The following DHX29 variants were observed in gnomAD, a reference collection of about 807,000 sequenced individuals.
The protein encoded by DHX29 is DExH-box helicase 29.
Under a neutral mutation model 167.9 loss-of-function variants are expected in DHX29, and 79 were observed. The ratio of observed to expected loss-of-function variants is 0.47; its 90% confidence interval spans 0.39 to 0.57. The LOEUF is 0.57. Among genes scored for constraint, DHX29 ranks in the 20% least tolerant of loss-of-function variants. DHX29 has a pLI of 0.00. For synonymous variants in DHX29, 530 were observed against 546.0 expected, an observed-to-expected ratio of 0.97 and a Z score of 0.41; for missense variants, 1,347 against 1,593.4, an observed-to-expected ratio of 0.85 and a Z score of 2.63.
At position 55,295,480 on chromosome 5, in the gene DHX29, G is replaced by A. The variant is rs747941245; in HGVS notation, c.550C>T (p.Pro184Ser). Residue 184 changes from proline (P) to serine (S), a missense_variant, in exon 5 of 27, where the codon CCT becomes TCT. By Grantham distance (74) the Pro-to-Ser change is moderately conservative. Around this residue, in one of 3 missense-constraint regions of DHX29, gnomAD observed 405 missense variants for 416.8 expected, o/e 0.97. Transcript: ENST00000251636. ...GFSQEFEEQQ[P>S]KSRPKFQSPQ... Reference sequence around the variant, plus strand: ...GACTGAAATTTAGGCCTACTTTTAGGTTGCTGCTCTTCAAATTCCTGACTG... The same window carrying A: ...GACTGAAATTTAGGCCTACTTTTAGATTGCTGCTCTTCAAATTCCTGACTG... 2.6e-5 allele frequency: 42 copies of A among 1,613,728 alleles called. No individual in the cohort carries two copies. Among genetic ancestry groups the A allele is most frequent in the Non-Finnish European group, 3.1e-5 (36 of 1,179,914 alleles).
intron 23 of DHX29, among the ~76,000 whole-genome samples, chr5:55,264,125 T>A (rs1182284449): frequency 6.6e-6 from 1 of 151,550 alleles, no homozygotes; most frequent in Non-Finnish European, 1.5e-5. Flanking sequence ...TGAGACCCCA[T>A]CTATTTAAAA....
chr5:55,272,949 C>G (rs976629637), intron 17 of DHX29, among the ~76,000 whole-genome samples: 1 of 152,166 alleles, frequency 6.6e-6, no homozygotes, highest in Non-Finnish European at 1.5e-5. Context: ...TAGAGAACAA[C>G]AAGAATACTC....
chr5:55,277,530 ACT>A (rs3217668), intron 12 of DHX29, among the ~76,000 whole-genome samples: 19,331 of 152,046 alleles, frequency 0.13, 1,426 homozygotes, highest in East Asian at 0.26. Context: ...TGACAGCATG[ACT>A]CTACCCTAGG....
intron 8 of DHX29, among the ~76,000 whole-genome samples, chr5:55,287,256 C>T (rs1047621952): frequency 6.6e-6 from 1 of 152,116 alleles, no homozygotes; most frequent in Non-Finnish European, 1.5e-5. Flanking sequence ...GCCTGGCCAA[C>T]GTGGTGAAAC....
rs1412006341 is a variant in DHX29 at position 55,283,623 on chromosome 5, TTC to T, written c.1543_1544del (p.Glu515LysfsTer3). ...AAGATTCCTCGGGATCTTCAGAGTT[TTC>T]TCTCTTATTTTCAGAATGCTGTTGT... The part of the protein sequence containing the change: ...QQQQHSENKR[E>X]NSEDPEESWE... On this transcript the variant is annotated frameshift_variant, in exon 11 of 27. Coordinates refer to ENST00000251636, the MANE Select transcript of DHX29 (RefSeq NM_019030.4). LOFTEE classifies it high-confidence loss of function. 1 of 1,613,896 alleles carries T rather than the reference TTC, an allele frequency of 6.2e-7. No homozygotes were observed. Among genetic ancestry groups the T allele is most frequent in the Non-Finnish European group, 8.5e-7 (1 of 1,180,014 alleles).
chr5:55,282,440 G>A (rs959632342), intron 11 of DHX29, among the ~76,000 whole-genome samples: 3 of 152,072 alleles, frequency 2.0e-5, no homozygotes, highest in East Asian at 1.9e-4. Flanking sequence ...AGCAGAAACC[G>A]TGCCTTTTTT....
intron 11 of DHX29, among the ~76,000 whole-genome samples, chr5:55,281,811 G>A (rs1348813367): frequency 1.4e-5 from 2 of 146,990 alleles, no homozygotes; most frequent in Admixed American, 6.8e-5. Flanking sequence ...TTGAGACGGA[G>A]TTTCATTCTT....
In DHX29 at chr5:55,295,524, T is replaced by C; in HGVS notation, c.506A>G (p.Asp169Gly). 6.2e-7 allele frequency: 1 copy of C among 1,609,226 alleles called. No homozygotes were observed. The highest frequency in any genetic ancestry group is 1.1e-5 in the South Asian group (1 of 90,054). ...CTGACTGAATCCTTCAGGAAGTGCA[T>C]CTTAAAATAAAAGAAACTATGCTGA... is the stretch of plus-strand genomic sequence containing the variant. ...LDWLCLNLSD[D>G]ALPEGFSQEF... is the part of the protein sequence containing the mutation. The change falls in exon 5 of 27, where the codon GAT becomes GGT. Residue 169 changes from aspartate (D) to glycine (G), a missense_variant and splice_region_variant. By Grantham distance (94) the Asp-to-Gly change is moderately conservative. This residue lies in a region of DHX29 where 405 missense variants were observed against 416.8 expected (regional missense o/e 0.97). Coordinates refer to ENST00000251636, the MANE Select transcript of DHX29 (RefSeq NM_019030.4).
At chr5:55,273,503 CA>C in intron 16 of DHX29, 126 bp from the exon 17 acceptor site, 1 of 1,197,464 alleles carries the variant, frequency 8.4e-7, no homozygotes, top group Admixed American at 3.4e-5. Context: ...TTTAAACATA[CA>C]CAAGTGTTTA....
At chr5:55,307,043 C>A (rs2112000454) in intron 1 of DHX29, among the ~76,000 whole-genome samples, 1 of 152,346 alleles carries the variant, frequency 6.6e-6, no homozygotes, top group East Asian at 1.9e-4. Flanking sequence ...AGGAACTCCA[C>A]TCAGTACTCG....
intron 12 of DHX29, among the ~76,000 whole-genome samples, chr5:55,277,699 A>G (rs1201549565): frequency 1.3e-5 from 2 of 152,068 alleles, no homozygotes; most frequent in Non-Finnish European, 2.9e-5. Flanking sequence ...TGACATCGGG[A>G]GTTTGAGACC....
intron 6 of DHX29, among the ~76,000 whole-genome samples, chr5:55,293,254 CTT>C (rs1748141010): frequency 6.6e-6 from 1 of 152,160 alleles, no homozygotes; most frequent in Admixed American, 6.5e-5. Flanking sequence ...GTGTACAAGT[CTT>C]TGTGAACAAA....
chr5:55,276,516 GAAT>G (rs1422626246), intron 13 of DHX29, 110 bp from the exon 14 acceptor site: 3 of 866,182 alleles, frequency 3.5e-6, no homozygotes, highest in Non-Finnish European at 5.1e-6. Context: ...TGTTAATTTA[GAAT>G]ATTATGAAAA....
chr5:55,268,524 T>C (rs1746694514), intron 21 of DHX29, among the ~76,000 whole-genome samples: 1 of 152,084 alleles, frequency 6.6e-6, no homozygotes, highest in South Asian at 2.1e-4. Context: ...TCCGGGGCTC[T>C]AGCAATCCTC....
chr5:55,259,541 A>G (rs1299958016), intron 26 of DHX29, among the ~76,000 whole-genome samples: 2 of 152,014 alleles, frequency 1.3e-5, no homozygotes, highest in African/African-American at 4.8e-5. Context: ...ACTGCAACCT[A>G]CGCCTCTCAG....
chr5:55,284,203 A>G (rs1227373599), intron 10 of DHX29, among the ~76,000 whole-genome samples: 8 of 152,210 alleles, frequency 5.3e-5, no homozygotes, highest in Non-Finnish European at 5.9e-5. Context: ...TCTGAGGTTA[A>G]GATATGTGAG....
At chr5:55,297,665 C>T (rs567485974) in intron 2 of DHX29, among the ~76,000 whole-genome samples, 2 of 152,224 alleles carry the variant, frequency 1.3e-5, no homozygotes, top group Admixed American at 1.3e-4. Flanking sequence ...TGTCCTTGGA[C>T]CACCCTTGGG....
chr5:55,283,490 G>T lies in DHX29; in HGVS notation c.1678C>A (p.Pro560Thr). Reference sequence around the variant, plus strand: ...TCCTTTAGAAGTTTCTGATACTTAGGTGTGCTTTGCAACTTTCTAAAGAGG... The same window carrying T: ...TCCTTTAGAAGTTTCTGATACTTAGTTGTGCTTTGCAACTTTCTAAAGAGG... ...RNLFRKLQST[P>T]KYQKLLKERQ... The change falls in exon 11 of 27, where the codon CCT (proline) becomes ACT (threonine). Residue 560 changes from proline to threonine, a missense_variant. Pro to Thr is a conservative substitution (Grantham distance 38). This residue lies in a region of DHX29 where 882 missense variants were observed against 1,082.4 expected (regional missense o/e 0.81). Coordinates refer to ENST00000251636, the MANE Select transcript of DHX29 (RefSeq NM_019030.4). 6.2e-7 allele frequency: 1 copy of T among 1,614,146 alleles called. No homozygotes were observed. The highest frequency in any genetic ancestry group is 1.3e-5 in the African/African-American group (1 of 75,028).
chr5:55,285,751 T>TG lies in DHX29; in HGVS notation c.1176dup (p.Lys393GlnfsTer8). ...TTTTCAAAGGAAGGATTTGGACTCT[T>TG]GGGAAGATTCTTCCTGACCCAATCA... is the stretch of plus-strand genomic sequence containing the variant. On this transcript the variant is annotated frameshift_variant, in exon 9 of 27. Transcript: ENST00000251636. LOFTEE classifies it high-confidence loss of function. 6.2e-7 allele frequency: 1 copy of TG among 1,604,800 alleles called. No individual in the cohort carries two copies. Among genetic ancestry groups the TG allele is most frequent in the Non-Finnish European group, 8.5e-7 (1 of 1,173,564 alleles).
Sources: allele counts gnomAD v4.1 joint callset (sites outside exome capture counted in the v4.1 genomes callset), GRCh38; gene constraint gnomAD v4.1.1; regional missense constraint gnomAD v4.1.1; transcripts MANE v1.5; gene names NCBI Gene and HGNC (gene_info 2026-07-23, HGNC 2026-07-21).